The following INSYN2A variants were observed in gnomAD, a reference collection of about 807,000 sequenced individuals.
INSYN2A encodes inhibitory synaptic factor 2A, also known as family with sequence similarity 196 member A.
Under a neutral mutation model 39.4 loss-of-function variants are expected in INSYN2A, and 17 were observed. That is an observed-to-expected ratio of 0.43 (90% confidence interval 0.30 to 0.65). INSYN2A has a LOEUF of 0.65. Among genes scored for constraint, INSYN2A ranks in the 30% least tolerant of loss-of-function variants. The pLI is 0.14. For synonymous variants in INSYN2A, 255 were observed against 265.7 expected, an observed-to-expected ratio of 0.96 and a Z score of 0.39; for missense variants, 595 against 631.2, an observed-to-expected ratio of 0.94 and a Z score of 0.61.
chr10:127,157,269 G>A (rs2053173595), intron 4 of INSYN2A, among the ~76,000 whole-genome samples: 1 of 152,210 alleles, frequency 6.6e-6, no homozygotes, highest in Non-Finnish European at 1.5e-5. Context: ...CACAAAGACC[G>A]TCACGTGTTA....
chr10:127,178,680 T>C (rs2055421910), intron 2 of INSYN2A, among the ~76,000 whole-genome samples: 1 of 152,178 alleles, frequency 6.6e-6, no homozygotes, highest in African/African-American at 2.4e-5. Context: ...TGGAGATTGC[T>C]GCAATTTGAA....
At chr10:127,153,775 G>C (rs2052745149) in intron 5 of INSYN2A, 77 bp downstream of exon 5, 1 of 1,143,814 alleles carries the variant, frequency 8.7e-7, no homozygotes, top group African/African-American at 1.5e-5. Context: ...CATGGCCCCA[G>C]ATCGTTCTTG....
intron 5 of INSYN2A, among the ~76,000 whole-genome samples, chr10:127,148,688 G>T (rs1160196681): frequency 6.6e-6 from 1 of 152,172 alleles, no homozygotes; most frequent in Non-Finnish European, 1.5e-5. Context: ...CTGGAGAGAA[G>T]AAATTTCAGC....
At chr10:127,187,009 T>C (rs1216736864) in intron 2 of INSYN2A, among the ~76,000 whole-genome samples, 1 of 152,180 alleles carries the variant, frequency 6.6e-6, no homozygotes, top group Non-Finnish European at 1.5e-5. Context: ...TTGGTTGCTC[T>C]TAAAGGGCCA....
chr10:127,195,488 A>C (rs923021209), intron 1 of INSYN2A, among the ~76,000 whole-genome samples: 16 of 151,936 alleles, frequency 1.1e-4, no homozygotes, highest in Non-Finnish European at 2.1e-4. Context: ...GCCTCTCCTC[A>C]ACGGCCGGCG....
chr10:127,149,881 G>T (rs1396391839), intron 5 of INSYN2A, among the ~76,000 whole-genome samples: 1 of 152,164 alleles, frequency 6.6e-6, no homozygotes, highest in Non-Finnish European at 1.5e-5. Context: ...TTGTAATGGT[G>T]GTGTAGGGAC....
At chr10:127,154,749 A>T (rs1190155889) in intron 4 of INSYN2A, among the ~76,000 whole-genome samples, 1 of 152,060 alleles carries the variant, frequency 6.6e-6, no homozygotes, top group Non-Finnish European at 1.5e-5. Flanking sequence ...GGAGGTTGCT[A>T]ATTCTCCCCC....
chr10:127,173,621 CTT>C (rs2054789077), intron 4 of INSYN2A, among the ~76,000 whole-genome samples: 1 of 152,146 alleles, frequency 6.6e-6, no homozygotes, highest in African/African-American at 2.4e-5. Context: ...GCATCTTTCT[CTT>C]TTGCTGTCTG....
At chr10:127,192,941 C>T (rs1027489478) in intron 1 of INSYN2A, among the ~76,000 whole-genome samples, 2 of 152,122 alleles carry the variant, frequency 1.3e-5, no homozygotes, top group Non-Finnish European at 2.9e-5. Context: ...TGAAGTTTCA[C>T]TACATATATA....
chr10:127,176,127 A>G lies in INSYN2A; in HGVS notation c.269T>C (p.Val90Ala), dbSNP rs778319223. ...GTTGGGGATGGACCTGCGTGCGGGC[A>G]CTGTCATGTATTTGCGGTAGGCTGC... The part of the protein sequence containing the change: ...CRAAYRKYMT[V>A]PARRSIPNVT... Residue 90 changes from valine to alanine, a missense_variant, in exon 4 of 6, where the codon GTG becomes GCG. Val to Ala is a moderately conservative substitution (Grantham distance 64, BLOSUM62 0). This residue lies in a region of INSYN2A where 478 missense variants were observed against 467.4 expected (regional missense o/e 1.02). Transcript: ENST00000522781. This position sits in a 1 kb window ranked among gnomAD's most constrained non-coding sequence, Gnocchi z 4.4. 1.2e-6 allele frequency: 2 copies of G among 1,613,830 alleles called. No homozygotes were observed. Among genetic ancestry groups the G allele is most frequent in the Non-Finnish European group, 1.7e-6 (2 of 1,179,986 alleles).
chr10:127,193,341 A>G (rs770921722), intron 1 of INSYN2A, among the ~76,000 whole-genome samples: 1 of 152,136 alleles, frequency 6.6e-6, no homozygotes, highest in Admixed American at 6.6e-5. Context: ...TGCCTTCCCA[A>G]CTGAGCTTCT....
rs775279122 is a variant in INSYN2A at position 127,136,429 on chromosome 10, A to T, written c.*1408T>A. On this transcript the variant is annotated 3_prime_UTR_variant, in exon 6 of 6. Coordinates refer to ENST00000522781, the MANE Select transcript of INSYN2A (RefSeq NM_001039762.3). ...GTGAAACTGCTGGACAGAAACTTCAAGACTAGGTTTTCCTGTATGCTCACA... is the reference window on the plus strand; with the variant it reads ...GTGAAACTGCTGGACAGAAACTTCATGACTAGGTTTTCCTGTATGCTCACA... 6.6e-6 allele frequency: 1 copy of T among 151,728 alleles called. No homozygotes were observed. The highest frequency in any genetic ancestry group is 1.5e-5 in the Non-Finnish European group (1 of 67,954). 9.4% of individuals were successfully genotyped at this position (151,728 alleles called of 1,614,324 possible).
At chr10:127,168,825 AGCG>A (rs1474816192) in intron 4 of INSYN2A, among the ~76,000 whole-genome samples, 1 of 152,168 alleles carries the variant, frequency 6.6e-6, no homozygotes, top group Non-Finnish European at 1.5e-5. Context: ...CAGCTGCTGC[AGCG>A]GTGCACAATT....
intron 2 of INSYN2A, among the ~76,000 whole-genome samples, chr10:127,191,814 G>T (rs1190570932): frequency 6.6e-6 from 1 of 152,162 alleles, no homozygotes; most frequent in Non-Finnish European, 1.5e-5. Flanking sequence ...TCTGGGATGT[G>T]CCTGTCCATG....
chr10:127,183,760 G>A (rs538955358), intron 2 of INSYN2A, among the ~76,000 whole-genome samples: 187 of 152,220 alleles, frequency 1.2e-3, no homozygotes, highest in Non-Finnish European at 2.3e-3. Flanking sequence ...GGCTGGTGAA[G>A]AGAAAATAAA....
chr10:127,169,379 G>A (rs544323183), intron 4 of INSYN2A, among the ~76,000 whole-genome samples: 1 of 152,210 alleles, frequency 6.6e-6, no homozygotes, highest in African/African-American at 2.4e-5. Context: ...ATGTTTGGCA[G>A]AAACCTTCTA....
Position 127,158,323 on chromosome 10 carries a change from AC to A in INSYN2A, c.1185-4401del, listed in dbSNP as rs752535514. Among the ~76,000 whole-genome samples, 15 of 152,350 alleles carry A rather than the reference AC, an allele frequency of 9.8e-5. No homozygotes were observed. In the South Asian group the frequency reaches 3.1e-3, roughly 32 times the overall value. On this transcript the variant is annotated intron_variant, in intron 4 of 5. Transcript: ENST00000522781. The stretch of plus-strand genomic sequence containing the variant: ...TGCTAGAGCAGATTCTTCTCCAGTG[AC>A]AGTAGGGCTGGAGATCTTTTGTAGA...
At chr10:127,154,988 T>C (rs1278125042) in intron 4 of INSYN2A, among the ~76,000 whole-genome samples, 1 of 152,188 alleles carries the variant, frequency 6.6e-6, no homozygotes, top group Non-Finnish European at 1.5e-5. Flanking sequence ...TGCAGATGTG[T>C]ATTTTCTGGA....
At chr10:127,159,747 G>C (rs1351966688) in intron 4 of INSYN2A, among the ~76,000 whole-genome samples, 1 of 152,142 alleles carries the variant, frequency 6.6e-6, no homozygotes, top group Non-Finnish European at 1.5e-5. Flanking sequence ...ACAAAGAAGG[G>C]CAGGCCCATG....
Sources: gnomAD v4.1 joint callset for allele counts (sites outside exome capture counted in the v4.1 genomes callset) on GRCh38, gnomAD v4.1.1 for gene constraint, gnomAD v4.1.1 regional missense constraint, Gnocchi (gnomAD v3.1) non-coding constraint, MANE v1.5 for transcripts, NCBI Gene and HGNC (gene_info 2026-07-23, HGNC 2026-07-21) for gene names.